EIF4ENIF1: variants seen among roughly 807,000 people sequenced by gnomAD.
EIF4ENIF1 encodes the protein eukaryotic translation initiation factor 4E nuclear import factor 1, also known as eukaryotic translation initiation factor 4E transporter.
EIF4ENIF1 carries 23 observed loss-of-function variants against 110.5 expected under a neutral mutation model. That is an observed-to-expected ratio of 0.21 (90% CI 0.15 to 0.29). The LOEUF (loss-of-function observed/expected upper bound fraction) is 0.29. EIF4ENIF1 is among the 10% of genes least tolerant of loss of function. EIF4ENIF1 has a pLI of 1.00. For synonymous variants in EIF4ENIF1, 440 were observed against 437.0 expected (o/e 1.01, Z -0.09); for missense variants, 1,031 against 1,221.1 (o/e 0.84, Z 2.32).
chr22:31,482,200 CTAAGA>C (rs1300757187), intron 2 of EIF4ENIF1, among the ~76,000 whole-genome samples: 6 of 150,988 alleles, frequency 4.0e-5, no homozygotes, highest in Non-Finnish European at 7.4e-5. Flanking sequence ...TGAAGTTAAA[CTAAGA>C]TAATTCAACA....
intron 2 of EIF4ENIF1, among the ~76,000 whole-genome samples, chr22:31,480,577 AACCCCATCTAT>A (rs2051776072): frequency 6.6e-6 from 1 of 151,904 alleles, no homozygotes; most frequent in Admixed American, 6.6e-5. Flanking sequence ...AACATGGAGA[AACCCCATCTAT>A]ACTAAAAATA....
chr22:31,463,546 G>A, intron 5 of EIF4ENIF1, 135 bp downstream of exon 5: 1 of 856,190 alleles, frequency 1.2e-6, no homozygotes, highest in Non-Finnish European at 1.7e-6. Context: ...GCCGGGTATG[G>A]TGGTGCGTGC....
rs752029329 is a variant in EIF4ENIF1 at position 31,442,948 on chromosome 22, C to T, written c.2206+14G>A. Reference sequence around the variant, plus strand: ...ATACTTTCTTGAGCAGTGCCCTTAACAGCTCTGCAGTACCTTCACTGGCCT... The same window carrying T: ...ATACTTTCTTGAGCAGTGCCCTTAATAGCTCTGCAGTACCTTCACTGGCCT... On this transcript the variant is annotated intron_variant, in intron 16 of 18. Transcript: ENST00000330125. 6 of 1,613,396 alleles carry T rather than the reference C, an allele frequency of 3.7e-6. No individual in the cohort carries two copies. The South Asian group carries it at 6.6e-5, about 18-fold the overall frequency.
chr22:31,487,142 G>A (rs752654860), intron 2 of EIF4ENIF1, among the ~76,000 whole-genome samples: 1 of 151,716 alleles, frequency 6.6e-6, no homozygotes, highest in Non-Finnish European at 1.5e-5. Context: ...GAATTCACCT[G>A]TCAGCATTTT....
intron 9 of EIF4ENIF1, among the ~76,000 whole-genome samples, chr22:31,454,577 A>G (rs2050761673): frequency 6.6e-6 from 1 of 152,162 alleles, no homozygotes; most frequent in Non-Finnish European, 1.5e-5. Flanking sequence ...TAAACCTAAA[A>G]TGTTTAGATG....
At chr22:31,454,026 T>A in intron 10 of EIF4ENIF1, 118 bp downstream of exon 10, 3 of 850,772 alleles carry the variant, frequency 3.5e-6, no homozygotes, top group Non-Finnish European at 5.5e-6. Context: ...AAGGACCAAA[T>A]GACTACTAAA....
At chr22:31,473,497 T>C (rs2051461629) in intron 2 of EIF4ENIF1, among the ~76,000 whole-genome samples, 1 of 152,248 alleles carries the variant, frequency 6.6e-6, no homozygotes, top group African/African-American at 2.4e-5. Context: ...TTGATTGTTG[T>C]ATCTCTTTGG....
chr22:31,455,330 A>T lies in EIF4ENIF1; in HGVS notation c.1100-15T>A. 1 of 1,516,978 alleles carries T rather than the reference A, an allele frequency of 6.6e-7. No homozygotes were observed. The highest frequency in any genetic ancestry group is 8.8e-7 in the Non-Finnish European group (1 of 1,131,996). 94.0% of individuals were successfully genotyped at this position (1,516,978 alleles called of 1,614,324 possible). On this transcript the variant is annotated splice_polypyrimidine_tract_variant and intron_variant, in intron 8 of 18. Coordinates refer to ENST00000330125, the MANE Select transcript of EIF4ENIF1 (RefSeq NM_019843.4). ...TTGCTCCAGACCTGATATTGCAAAT[A>T]AACATACTCAAAATTAATCTGTTCC...
chr22:31,464,966 C>G (rs2051136288), intron 4 of EIF4ENIF1, among the ~76,000 whole-genome samples: 1 of 151,418 alleles, frequency 6.6e-6, no homozygotes, highest in African/African-American at 2.4e-5. Context: ...AAAGACAAGC[C>G]ACAGACTGAG....
At position 31,464,053 on chromosome 22, in the gene EIF4ENIF1, AG is replaced by A. The variant is rs1018044669; in HGVS notation, c.299-87del. On this transcript the variant is annotated intron_variant, in intron 4 of 18. Transcript: ENST00000330125. ...AGATAGTATGTCCATGACTGATGGGAGGAAGGGGATGGTTGGAAGAGAGTCA... is the reference window on the plus strand; with the variant it reads ...AGATAGTATGTCCATGACTGATGGGAGAAGGGGATGGTTGGAAGAGAGTCA... The A allele has an allele frequency of 3.4e-6, 5 of 1,488,646 alleles. No homozygotes were observed. In the African/African-American group the frequency reaches 4.2e-5, roughly 12 times the overall value. 92.2% of individuals were successfully genotyped at this position (1,488,646 alleles called of 1,614,324 possible).
At chr22:31,479,550 C>T (rs376108159) in intron 2 of EIF4ENIF1, 1 of 151,900 alleles carries the variant, frequency 6.6e-6, no homozygotes, top group Non-Finnish European at 1.5e-5. Flanking sequence ...GTGGAAATAC[C>T]CCTTTGGGAT....
chr22:31,440,569 T>C (rs1322746544), intron 18 of EIF4ENIF1, 135 bp downstream of exon 18: 4 of 1,109,072 alleles, frequency 3.6e-6, no homozygotes, highest in African/African-American at 1.6e-5. Flanking sequence ...TCTTATTATC[T>C]GGTTACACTT....
intron 17 of EIF4ENIF1, 88 bp from the exon 18 acceptor site, chr22:31,440,956 A>T: frequency 6.5e-7 from 1 of 1,539,648 alleles, no homozygotes; most frequent in African/African-American, 1.4e-5. Flanking sequence ...CTGATCTGGA[A>T]GTTTGTTAAG....
chr22:31,488,159 T>C (rs1019456055), intron 2 of EIF4ENIF1, among the ~76,000 whole-genome samples: 3 of 151,916 alleles, frequency 2.0e-5, no homozygotes, highest in African/African-American at 4.8e-5. Context: ...CAATTTGTAA[T>C]AGAAAATAAA....
downstream of EIF4ENIF1, among the ~76,000 whole-genome samples, chr22:31,438,364 A>C (rs890413117): frequency 1.3e-5 from 2 of 152,184 alleles, no homozygotes; most frequent in Admixed American, 6.5e-5. Flanking sequence ...GTGAATAATA[A>C]AACAATTGTG....
intron 6 of EIF4ENIF1, among the ~76,000 whole-genome samples, chr22:31,461,296 G>GTA (rs1386178240): frequency 2.4e-4 from 37 of 152,146 alleles, no homozygotes; most frequent in African/African-American, 8.9e-4. Context: ...GGCCACCTTA[G>GTA]AGCCAGGTCA....
At chr22:31,465,009 G>T (rs1263779320) in intron 4 of EIF4ENIF1, among the ~76,000 whole-genome samples, 2 of 151,668 alleles carry the variant, frequency 1.3e-5, no homozygotes. Flanking sequence ...TCTGATAAAG[G>T]ACTTAAATTC....
chr22:31,450,757 TACATATATACATACATATATACACAC>T (rs2145928717), intron 10 of EIF4ENIF1: 1 of 245,414 alleles, frequency 4.1e-6, no homozygotes, highest in East Asian at 9.9e-5. Context: ...TATACACACA[TACATATATACATACATATATACACAC>T]ACATATACAC....
rs1415693552 is a variant in EIF4ENIF1, at chr22:31,440,883, A to G, written c.2552-15T>C. 1 of 1,613,756 alleles carries G rather than the reference A, an allele frequency of 6.2e-7. No individual in the cohort carries two copies. Among genetic ancestry groups the G allele is most frequent in the Non-Finnish European group, 8.5e-7 (1 of 1,179,752 alleles). ...AGGAAGCACACCTGTTGAGCAGAAA[A>G]AGCAAGCAGCTGAGTAGTCTTAATG... On this transcript the variant is annotated splice_polypyrimidine_tract_variant and intron_variant, in intron 17 of 18. Transcript: ENST00000330125.
Sources: gnomAD v4.1 joint callset for allele counts (sites outside exome capture counted in the v4.1 genomes callset) on GRCh38, gnomAD v4.1.1 for gene constraint, MANE v1.5 for transcripts, NCBI Gene and HGNC (gene_info 2026-07-23, HGNC 2026-07-21) for gene names.